The following GPR89A variants were observed in gnomAD, a reference collection of about 807,000 sequenced individuals.
The protein encoded by GPR89A is G protein-coupled receptor 89A.
GPR89A carries 16 observed loss-of-function variants against 52.0 expected under a neutral mutation model. The ratio of observed to expected loss-of-function variants is 0.31; its 90% confidence interval spans 0.21 to 0.47. GPR89A has a LOEUF of 0.47. GPR89A is among the 20% of genes least tolerant of loss of function. The pLI is 1.00. For synonymous variants in GPR89A, 55 were observed against 150.9 expected (o/e 0.36, Z 4.66); for missense variants, 135 against 449.4 (o/e 0.30, Z 6.33).
At chr1:145,668,561 A>C (rs1329246521) in intron 12 of GPR89A, among the ~76,000 whole-genome samples, 6 of 151,926 alleles carry the variant, frequency 3.9e-5, no homozygotes, top group Non-Finnish European at 5.9e-5. Context: ...AATACCCTTT[A>C]TTTCTTTCTC....
intron 12 of GPR89A, among the ~76,000 whole-genome samples, chr1:145,667,630 A>T (rs1322386614): frequency 6.6e-6 from 1 of 152,146 alleles, no homozygotes; most frequent in Admixed American, 6.5e-5. Context: ...GGTGTTTTAG[A>T]CATGAAGTCC....
At chr1:145,616,163 A>T in intron 1 of GPR89A, 71 bp from the exon 2 acceptor site, 1 of 1,040,046 alleles carries the variant, frequency 9.6e-7, no homozygotes, top group Non-Finnish European at 1.5e-6. Context: ...ACCTTTTATC[A>T]TAAAAGAGTT....
At chr1:145,667,022 G>A (rs1252023122) in intron 12 of GPR89A, among the ~76,000 whole-genome samples, 3 of 152,030 alleles carry the variant, frequency 2.0e-5, no homozygotes, top group Non-Finnish European at 4.4e-5. Context: ...TGAATAGTAT[G>A]AATATTGCAC....
intron 12 of GPR89A, among the ~76,000 whole-genome samples, chr1:145,667,054 A>G (rs1345104077): frequency 6.6e-6 from 1 of 152,176 alleles, no homozygotes; most frequent in Non-Finnish European, 1.5e-5. Context: ...ATACGTGTGC[A>G]TGTGTCTTTA....
chr1:145,668,877 G>T (rs1553696942), intron 12 of GPR89A, among the ~76,000 whole-genome samples: 2 of 152,118 alleles, frequency 1.3e-5, no homozygotes, highest in Non-Finnish European at 2.9e-5. Flanking sequence ...TATGTTTATT[G>T]ATTTGCATAT....
chr1:145,643,217 G>A lies in GPR89A; in HGVS notation c.618-652G>A, dbSNP rs1446333016. ...GTCTCACTCTGTCACCTGGGCTGGC[G>A]TGCAGTGGTGTGATCTCAGCTCACT... On this transcript the variant is annotated intron_variant, in intron 7 of 13. Transcript: ENST00000313835. Among the ~76,000 whole-genome samples, 8 of 151,792 alleles carry A rather than the reference G, an allele frequency of 5.3e-5. No homozygotes were observed. The South Asian group carries it at 6.2e-4, about 12-fold the overall frequency.
At chr1:145,647,027 G>GCCACAA (rs1651039234) in intron 9 of GPR89A, 148 bp from the exon 10 acceptor site, 1 of 1,234,986 alleles carries the variant, frequency 8.1e-7, no homozygotes, top group Admixed American at 2.9e-5. Context: ...GTAAATGCTG[G>GCCACAA]CCACAACTAC....
intron 1 of GPR89A, among the ~76,000 whole-genome samples, chr1:145,609,453 A>G (rs1345844025): frequency 5.3e-5 from 8 of 152,218 alleles, no homozygotes; most frequent in Non-Finnish European, 1.0e-4. Flanking sequence ...TATTGGCTGC[A>G]TAATATTCAA....
chr1:145,619,694 T>C (rs1390953917), intron 3 of GPR89A, among the ~76,000 whole-genome samples: 1 of 152,018 alleles, frequency 6.6e-6, no homozygotes, highest in South Asian at 2.1e-4. Flanking sequence ...AGAAGTGTTT[T>C]CTGATTCTCC....
At chr1:145,608,234 C>G (rs1440502858) in intron 1 of GPR89A, 59 bp downstream of exon 1, 3 of 1,608,134 alleles carry the variant, frequency 1.9e-6, no homozygotes, top group African/African-American at 2.7e-5. Flanking sequence ...ATCGCCCTCT[C>G]CGGTCCTCCG....
At chr1:145,668,095 C>T (rs1433492355) in intron 12 of GPR89A, among the ~76,000 whole-genome samples, 2 of 152,070 alleles carry the variant, frequency 1.3e-5, no homozygotes, top group Non-Finnish European at 2.9e-5. Flanking sequence ...TAGTTTTTTC[C>T]AATTCTGTGA....
intron 8 of GPR89A, 70 bp downstream of exon 8, chr1:145,644,048 T>C: frequency 7.4e-6 from 1 of 135,052 alleles, no homozygotes; most frequent in Non-Finnish European, 1.2e-5. Flanking sequence ...AAAAGTAGTG[T>C]TGGGATAGTC....
rs1553686956 is a variant in GPR89A at position 145,616,217 on chromosome 1, T to C, written c.43-17T>C. On this transcript the variant is annotated splice_polypyrimidine_tract_variant and intron_variant, in intron 1 of 13. Transcript: ENST00000313835. ...AAAGAAAATATGTATTGACATTCTA[T>C]TTTCTTTCTCCTCCAGATACTATTT... 2 of 1,606,440 alleles carry C rather than the reference T, an allele frequency of 1.2e-6. No individual in the cohort carries two copies. Among genetic ancestry groups the C allele is most frequent in the Non-Finnish European group, 1.7e-6 (2 of 1,174,716 alleles).
At chr1:145,634,338 C>T (rs1245550551) in intron 7 of GPR89A, among the ~76,000 whole-genome samples, 2 of 151,996 alleles carry the variant, frequency 1.3e-5, no homozygotes, top group Non-Finnish European at 2.9e-5. Flanking sequence ...ACCTTGGCCT[C>T]CCAAAGTGCT....
intron 8 of GPR89A, chr1:145,645,764 C>T: frequency 2.2e-6 from 1 of 451,380 alleles, no homozygotes; most frequent in Admixed American, 2.4e-5. Context: ...TAAATCCTAG[C>T]CTATATTAGA....
At chr1:145,655,628 T>C (rs1373379642) in intron 10 of GPR89A, among the ~76,000 whole-genome samples, 1 of 152,176 alleles carries the variant, frequency 6.6e-6, no homozygotes, top group Non-Finnish European at 1.5e-5. Context: ...CCTGGAGGTA[T>C]TACCAGTGGA....
rs368353300 is a variant in GPR89A at position 145,623,635 on chromosome 1, T to C, written c.336T>C (p.Phe112=). 1.0e-3 allele frequency: 1,642 copies of C among 1,564,650 alleles called. 17 individuals carry two copies. In the African/African-American group the frequency reaches 0.02, roughly 19 times the overall value. The change falls in exon 5 of 14, where the codon TTT becomes TTC. Residue 112 remains phenylalanine, a synonymous_variant. Transcript: ENST00000313835. ...IRLLHKQRLL[F]SCLLWLTFMY... is the part of the protein sequence containing the mutation. The stretch of plus-strand genomic sequence containing the variant: ...CAGTGCATAAACAACGACTGCTTTT[T>C]TCCTGTCTCTTATGGCTGACCTTTA...
intron 10 of GPR89A, among the ~76,000 whole-genome samples, chr1:145,658,309 A>T (rs587705958): frequency 3.5e-4 from 52 of 148,142 alleles, no homozygotes; most frequent in African/African-American, 1.2e-3. Flanking sequence ...AGTATCTATC[A>T]ATATTTCATT....
intron 7 of GPR89A, among the ~76,000 whole-genome samples, chr1:145,635,485 G>C (rs587685209): frequency 1.3e-5 from 2 of 152,118 alleles, no homozygotes; most frequent in East Asian, 3.9e-4. Flanking sequence ...TCTTTACTAG[G>C]CTATTGAAGG....
Sources: gnomAD v4.1 joint callset for allele counts (sites outside exome capture counted in the v4.1 genomes callset) on GRCh38, gnomAD v4.1.1 for gene constraint, MANE v1.5 for transcripts, NCBI Gene and HGNC (gene_info 2026-07-23, HGNC 2026-07-21) for gene names.